TMEM131: variants seen among roughly 807,000 people sequenced by gnomAD.
TMEM131 encodes the protein transmembrane protein 131.
In TMEM131, 66 loss-of-function variants were observed where a neutral mutation model predicts 211.6. That is an observed-to-expected ratio of 0.31 (90% CI 0.26 to 0.38). The LOEUF (loss-of-function observed/expected upper bound fraction) is 0.38, where lower values mean the gene tolerates loss of function less well. TMEM131 is among the 10% of genes least tolerant of loss of function. The probability of loss-of-function intolerance (pLI) is 1.00; values close to 1 mark genes in which losing one functional copy is unlikely to be tolerated. For missense variants in TMEM131, 2,036 were observed against 2,299.3 expected, an observed-to-expected ratio of 0.89 and a Z score of 2.34; for synonymous variants, 844 against 841.3, an observed-to-expected ratio of 1.00 and a Z score of -0.06.
intron 7 of TMEM131, 89 bp from the exon 8 acceptor site, chr2:97,837,246 C>G: frequency 1.1e-6 from 1 of 917,748 alleles, no homozygotes; most frequent in Non-Finnish European, 1.7e-6. Context: ...TTCTGACATC[C>G]TAACTGTTTA....
chr2:97,855,784 A>G (rs1184891341), intron 5 of TMEM131, among the ~76,000 whole-genome samples: 1 of 152,184 alleles, frequency 6.6e-6, no homozygotes, highest in African/African-American at 2.4e-5. Context: ...TTCCAGATCA[A>G]TAGACAGAGA....
chr2:97,968,867 G>A (rs1679172542), intron 1 of TMEM131, among the ~76,000 whole-genome samples: 1 of 152,062 alleles, frequency 6.6e-6, no homozygotes, highest in Admixed American at 6.5e-5. Flanking sequence ...AGGATGGTTA[G>A]AGGTCTGGAG....
At chr2:97,821,815 C>T (rs1682136317) in intron 11 of TMEM131, among the ~76,000 whole-genome samples, 1 of 152,196 alleles carries the variant, frequency 6.6e-6, no homozygotes, top group African/African-American at 2.4e-5. Context: ...AGGTGTCAGG[C>T]TTTCTGGGAA....
At chr2:97,811,288 T>A in intron 17 of TMEM131, 56 bp from the exon 18 acceptor site, 1 of 1,330,942 alleles carries the variant, frequency 7.5e-7, no homozygotes, top group South Asian at 1.2e-5. Context: ...AGTTTCCTAT[T>A]AAAATGGACA....
intron 39 of TMEM131, 22 bp from the exon 40 acceptor site, chr2:97,759,075 T>C: frequency 6.2e-7 from 1 of 1,613,920 alleles, no homozygotes; most frequent in Non-Finnish European, 8.5e-7. Context: ...GCAACAGTCA[T>C]CAAGTCCATA....
At chr2:97,912,225 AG>A (rs1206013262) in intron 2 of TMEM131, among the ~76,000 whole-genome samples, 1 of 152,226 alleles carries the variant, frequency 6.6e-6, no homozygotes, top group Non-Finnish European at 1.5e-5. Flanking sequence ...AAAGGAAAAA[AG>A]GAAATGGGAA....
intron 6 of TMEM131, among the ~76,000 whole-genome samples, chr2:97,842,528 T>A (rs114808493): frequency 4.6e-5 from 6 of 131,534 alleles, no homozygotes; most frequent in Non-Finnish European, 6.7e-5. Context: ...AAAAAAAAAA[T>A]CCCTCTGCCA....
chr2:97,897,942 T>C (rs186751911), intron 3 of TMEM131, among the ~76,000 whole-genome samples: 8 of 152,270 alleles, frequency 5.3e-5, no homozygotes, highest in African/African-American at 1.4e-4. Flanking sequence ...GTTTTAATAA[T>C]TTGTATCTTT....
intron 1 of TMEM131, 137 bp downstream of exon 1, chr2:97,995,339 C>T (rs889708057): frequency 1.2e-5 from 10 of 859,826 alleles, no homozygotes; most frequent in African/African-American, 1.8e-5. Context: ...CGCGAGGTCC[C>T]GGCTCGGGAC....
chr2:97,835,930 T>C (rs574422320), intron 8 of TMEM131, among the ~76,000 whole-genome samples: 76 of 152,370 alleles, frequency 5.0e-4, no homozygotes, highest in Non-Finnish European at 8.1e-4. Context: ...ATTATCACTC[T>C]TGACTATTTA....
chr2:97,904,778 C>G lies in TMEM131; in HGVS notation c.290+3880G>C, dbSNP rs188298596. The stretch of plus-strand genomic sequence containing the variant: ...TTAGTATTTCATTCTATCTTCGTGA[C>G]TAGTTTATTGGCTATAGTTCTTTTT... On this transcript the variant is annotated intron_variant, in intron 3 of 40. Transcript: ENST00000186436. 1.2e-3 allele frequency among the ~76,000 whole-genome samples: 177 copies of G among 149,516 alleles called. 3 individuals are homozygous for G. The highest frequency in any genetic ancestry group is 2.1e-4 in the Non-Finnish European group (14 of 67,528).
At chr2:97,773,178 GC>G (rs1453367265) in intron 32 of TMEM131, among the ~76,000 whole-genome samples, 1 of 152,202 alleles carries the variant, frequency 6.6e-6, no homozygotes, top group Non-Finnish European at 1.5e-5. Flanking sequence ...GGCCATGCTC[GC>G]CTGCCTGCGA....
chr2:97,958,469 T>C (rs950173402), intron 1 of TMEM131, among the ~76,000 whole-genome samples: 13 of 152,186 alleles, frequency 8.5e-5, no homozygotes, highest in African/African-American at 2.2e-4. Context: ...TTAAAGTAGC[T>C]GTTCTCAAAG....
chr2:97,832,288 A>G (rs1224040922), intron 11 of TMEM131, among the ~76,000 whole-genome samples: 1 of 152,156 alleles, frequency 6.6e-6, no homozygotes, highest in East Asian at 1.9e-4. Context: ...TCATTTTCCT[A>G]TAATATGTTT....
At position 97,818,680 on chromosome 2, in the gene TMEM131, G is replaced by A. The variant is rs1279717651; in HGVS notation, c.1116C>T (p.His372=). Residue 372 remains histidine (H), a synonymous_variant, in exon 12 of 41, where the codon CAC becomes CAT. Transcript: ENST00000186436. ...ATGCTTTTAATGTAATTGGTTTAAAGTGTACCGTTATAGCATCATTTTGTG... is the reference window on the plus strand; with the variant it reads ...ATGCTTTTAATGTAATTGGTTTAAAATGTACCGTTATAGCATCATTTTGTG... ...PTPQNDAITV[H]FKPITLKASE... 6.2e-7 allele frequency: 1 copy of A among 1,608,086 alleles called. No individual in the cohort carries two copies. The highest frequency in any genetic ancestry group is 8.5e-7 in the Non-Finnish European group (1 of 1,176,572).
At chr2:97,855,872 T>C (rs574738494) in intron 5 of TMEM131, among the ~76,000 whole-genome samples, 6 of 152,246 alleles carry the variant, frequency 3.9e-5, no homozygotes, top group South Asian at 2.1e-4. Context: ...CCCAAAAACA[T>C]GCATGGAATC....
intron 26 of TMEM131, 67 bp downstream of exon 26, chr2:97,797,298 C>A: frequency 7.1e-7 from 1 of 1,417,806 alleles, no homozygotes; most frequent in East Asian, 2.3e-5. Flanking sequence ...GCAAATTCAT[C>A]TTAAAACAAG....
intron 3 of TMEM131, among the ~76,000 whole-genome samples, chr2:97,892,430 G>T (rs940052653): frequency 6.6e-6 from 1 of 152,028 alleles, no homozygotes; most frequent in Non-Finnish European, 1.5e-5. Flanking sequence ...GTCCAATCAT[G>T]GGTCACTGCA....
chr2:97,913,441 C>T (rs1019107098), intron 2 of TMEM131, among the ~76,000 whole-genome samples: 2 of 152,170 alleles, frequency 1.3e-5, no homozygotes, highest in Admixed American at 6.5e-5. Context: ...ATTCATTTTA[C>T]AGATAAAGAA....
Sources: allele counts gnomAD v4.1 joint callset (sites outside exome capture counted in the v4.1 genomes callset), GRCh38; gene constraint gnomAD v4.1.1; transcripts MANE v1.5; gene names NCBI Gene and HGNC (gene_info 2026-07-23, HGNC 2026-07-21).